Variants in ERC2 observed in about 807,000 individuals in gnomAD.
ERC2 encodes the protein ERC protein 2.
Under a neutral mutation model 114.8 loss-of-function variants are expected in ERC2, and 42 were observed. That is an observed-to-expected ratio of 0.37 (90% CI 0.29 to 0.47). The LOEUF is 0.47. Ranked by LOEUF, ERC2 falls within the 20% of genes least tolerant of loss-of-function variation. The probability of loss-of-function intolerance (pLI) is 0.99; values close to 1 mark genes in which losing one functional copy is unlikely to be tolerated. For synonymous variants in ERC2, 454 were observed against 425.5 expected (o/e 1.07, Z -0.82); for missense variants, 939 against 1,150.7 (o/e 0.82, Z 2.66).
chr3:56,183,967 T>C (rs760267265), intron 3 of ERC2, among the ~76,000 whole-genome samples: 2 of 152,136 alleles, frequency 1.3e-5, no homozygotes, highest in Non-Finnish European at 2.9e-5. Flanking sequence ...GGAAACAGTT[T>C]CCATGGAAAT....
chr3:56,023,861 C>T (rs144216616), intron 7 of ERC2, among the ~76,000 whole-genome samples: 138 of 149,350 alleles, frequency 9.2e-4, no homozygotes, highest in African/African-American at 3.1e-3. Context: ...GAGTAGGTGA[C>T]GGCTGAGTCC....
At chr3:55,786,797 A>T (rs894678634) in intron 14 of ERC2, among the ~76,000 whole-genome samples, 1 of 152,142 alleles carries the variant, frequency 6.6e-6, no homozygotes, top group African/African-American at 2.4e-5. Context: ...ATGGAGGATG[A>T]GTTGAGTGAG....
chr3:56,137,779 A>C (rs894597884), intron 6 of ERC2, among the ~76,000 whole-genome samples: 1 of 152,370 alleles, frequency 6.6e-6, no homozygotes, highest in South Asian at 2.1e-4. Context: ...AGCAGCCACT[A>C]GCCACATGTA....
chr3:55,901,806 T>C (rs988701307), intron 13 of ERC2, among the ~76,000 whole-genome samples: 1 of 152,218 alleles, frequency 6.6e-6, no homozygotes, highest in African/African-American at 2.4e-5. Flanking sequence ...CAAAATATCA[T>C]AGCTTTGAAG....
At chr3:55,587,632 T>C (rs1347137572) in intron 17 of ERC2, among the ~76,000 whole-genome samples, 1 of 152,244 alleles carries the variant, frequency 6.6e-6, no homozygotes, top group Non-Finnish European at 1.5e-5. Context: ...TAAACTTGCC[T>C]ACTTACTGCA....
intron 3 of ERC2, among the ~76,000 whole-genome samples, chr3:56,245,020 C>G (rs1421939342): frequency 6.6e-6 from 1 of 152,120 alleles, no homozygotes; most frequent in Non-Finnish European, 1.5e-5. Flanking sequence ...AGCCTAGAAG[C>G]ATATCACATA....
chr3:55,899,787 AGGT>A, intron 13 of ERC2, among the ~76,000 whole-genome samples: 1 of 152,202 alleles, frequency 6.6e-6, no homozygotes, highest in Non-Finnish European at 1.5e-5. Flanking sequence ...GTTTGTTTCT[AGGT>A]TTAGGGATTT....
intron 14 of ERC2, among the ~76,000 whole-genome samples, chr3:55,754,807 C>A (rs920952763): frequency 9.2e-5 from 14 of 152,110 alleles, no homozygotes; most frequent in African/African-American, 3.4e-4. Flanking sequence ...TGAGCCATGA[C>A]AATTCTTCAC....
At chr3:56,089,466 T>A (rs1052205967) in intron 6 of ERC2, among the ~76,000 whole-genome samples, 2 of 152,152 alleles carry the variant, frequency 1.3e-5, no homozygotes, top group Admixed American at 6.5e-5. Flanking sequence ...AAAAGAAACA[T>A]TGAAATTAAT....
intron 6 of ERC2, among the ~76,000 whole-genome samples, chr3:56,124,092 C>T (rs1326702369): frequency 1.3e-5 from 2 of 152,144 alleles, no homozygotes; most frequent in African/African-American, 4.8e-5. Context: ...GATTATTTGA[C>T]ATTACAGATG....
rs146197154 is a variant in ERC2 at position 55,841,504 on chromosome 3, G to A, written c.2564+46885C>T. On this transcript the variant is annotated intron_variant, in intron 14 of 17. Transcript: ENST00000288221. ...TTTCCTTTATAAATTACCCAGTCTC[G>A]GGTATGTCTTTATTAGCAGAGTGAC... Among the ~76,000 whole-genome samples the A allele has an allele frequency of 3.8e-3, 580 of 152,166 alleles. 6 individuals are homozygous for A. Among genetic ancestry groups the A allele is most frequent in the African/African-American group, 0.013 (545 of 41,524 alleles).
chr3:55,668,696 C>T (rs1249927398), intron 17 of ERC2, among the ~76,000 whole-genome samples: 7 of 152,192 alleles, frequency 4.6e-5, no homozygotes, highest in Non-Finnish European at 8.8e-5. Flanking sequence ...CCTGTTGAAT[C>T]GCCCATGCTA....
chr3:56,128,256 T>C (rs911638531), intron 6 of ERC2, among the ~76,000 whole-genome samples: 1 of 152,138 alleles, frequency 6.6e-6, no homozygotes, highest in South Asian at 2.1e-4. Flanking sequence ...TCAATCCTAC[T>C]GGAAACTCAA....
intron 17 of ERC2, among the ~76,000 whole-genome samples, chr3:55,589,582 G>A (rs761345520): frequency 3.9e-5 from 6 of 152,142 alleles, no homozygotes; most frequent in Non-Finnish European, 7.3e-5. Flanking sequence ...ACCACCTGAG[G>A]CCTCCATGAG....
intron 14 of ERC2, among the ~76,000 whole-genome samples, chr3:55,807,943 C>A (rs1467227857): frequency 1.3e-5 from 2 of 152,150 alleles, no homozygotes; most frequent in African/African-American, 4.8e-5. Context: ...AGTAAGGCTG[C>A]CTTCAGGCTG....
intron 14 of ERC2, among the ~76,000 whole-genome samples, chr3:55,840,039 G>T (rs186204502): frequency 2.0e-5 from 3 of 152,066 alleles, no homozygotes; most frequent in African/African-American, 7.2e-5. Flanking sequence ...AACTGGAGTG[G>T]CTCTATTAGT....
At chr3:55,584,972 A>G (rs2057521468) in intron 17 of ERC2, among the ~76,000 whole-genome samples, 2 of 152,198 alleles carry the variant, frequency 1.3e-5, no homozygotes. Context: ...GGAGTTACAA[A>G]TCCAAATACG....
chr3:55,777,426 CTAGA>C (rs1277097819), intron 14 of ERC2, among the ~76,000 whole-genome samples: 2 of 152,218 alleles, frequency 1.3e-5, no homozygotes, highest in African/African-American at 4.8e-5. Flanking sequence ...CAGACCATCT[CTAGA>C]TAGAAAGTCC....
At chr3:56,305,883 T>C (rs1429992463) in intron 2 of ERC2, among the ~76,000 whole-genome samples, 1 of 152,196 alleles carries the variant, frequency 6.6e-6, no homozygotes, top group Non-Finnish European at 1.5e-5. Context: ...CAAAGTCTCA[T>C]CTGTGGCACA....
Sources: gnomAD v4.1 joint callset for allele counts (sites outside exome capture counted in the v4.1 genomes callset) on GRCh38, gnomAD v4.1.1 for gene constraint, MANE v1.5 for transcripts, NCBI Gene and HGNC (gene_info 2026-07-23, HGNC 2026-07-21) for gene names.